The following ERICH6B variants were observed in gnomAD, a reference collection of about 807,000 sequenced individuals.
The protein encoded by ERICH6B is glutamate-rich protein 6B.
ERICH6B carries 69 observed loss-of-function variants against 80.0 expected under a neutral mutation model. The ratio of observed to expected loss-of-function variants is 0.86; its 90% CI spans 0.71 to 1.05. The LOEUF is 1.05. Among genes scored for constraint, ERICH6B ranks in the 50% least tolerant of loss-of-function variants. The probability of loss-of-function intolerance (pLI) is 0.00; values close to 1 mark genes in which losing one functional copy is unlikely to be tolerated. For synonymous variants in ERICH6B, 283 were observed against 291.9 expected (o/e 0.97, Z 0.31); for missense variants, 754 against 796.1 (o/e 0.95, Z 0.64).
intron 4 of ERICH6B, among the ~76,000 whole-genome samples, chr13:45,587,658 C>T (rs964492814): frequency 6.6e-6 from 1 of 152,178 alleles, no homozygotes; most frequent in Non-Finnish European, 1.5e-5. Context: ...TCTGTCCCTG[C>T]AATCGGCTCA....
intron 8 of ERICH6B, among the ~76,000 whole-genome samples, chr13:45,572,257 G>A (rs561276738): frequency 6.6e-6 from 1 of 152,282 alleles, no homozygotes; most frequent in African/African-American, 2.4e-5. Flanking sequence ...CATGGCAGCT[G>A]TGCTGGGCAC....
intron 3 of ERICH6B, among the ~76,000 whole-genome samples, chr13:45,592,838 A>G (rs1437511656): frequency 6.6e-6 from 1 of 152,168 alleles, no homozygotes; most frequent in East Asian, 1.9e-4. Context: ...ATACCTTACA[A>G]TTGTGTGGTA....
chr13:45,614,414 G>A (rs921390788), intron 1 of ERICH6B, among the ~76,000 whole-genome samples: 12 of 152,232 alleles, frequency 7.9e-5, no homozygotes, highest in African/African-American at 2.9e-4. Flanking sequence ...CAGGCACGTA[G>A]CAGGATTTCA....
chr13:45,590,820 T>C, intron 3 of ERICH6B, 123 bp from the exon 4 acceptor site: 3 of 749,218 alleles, frequency 4.0e-6, no homozygotes, highest in Non-Finnish European at 6.3e-6. Flanking sequence ...TTTACTTTTC[T>C]TTAGTATTGT....
At chr13:45,569,698 C>G (rs952073298) in intron 8 of ERICH6B, among the ~76,000 whole-genome samples, 2 of 152,178 alleles carry the variant, frequency 1.3e-5, no homozygotes, top group Non-Finnish European at 2.9e-5. Flanking sequence ...ACCAACATAT[C>G]CGAAGTTTCA....
chr13:45,599,240 G>A (rs1177819633), intron 2 of ERICH6B, among the ~76,000 whole-genome samples: 3 of 152,182 alleles, frequency 2.0e-5, no homozygotes, highest in Non-Finnish European at 4.4e-5. Context: ...GTGGCTGAGG[G>A]TAGGGAGTAA....
intron 3 of ERICH6B, among the ~76,000 whole-genome samples, chr13:45,593,945 T>A (rs1876259506): frequency 6.6e-6 from 1 of 152,166 alleles, no homozygotes; most frequent in Non-Finnish European, 1.5e-5. Flanking sequence ...GTTAAAAAAA[T>A]TTGTGTGCAC....
intron 1 of ERICH6B, among the ~76,000 whole-genome samples, chr13:45,614,250 C>T (rs1449490568): frequency 6.6e-6 from 1 of 152,132 alleles, no homozygotes; most frequent in East Asian, 1.9e-4. Flanking sequence ...CTCATTAAAA[C>T]CCAACCCAAA....
At position 45,541,497 on chromosome 13, in the gene ERICH6B, A is replaced by G. The variant is rs759227319; in HGVS notation, c.2056T>C (p.Tyr686His). 2.8e-5 allele frequency: 44 copies of G among 1,551,978 alleles called. No individual in the cohort carries two copies. The highest frequency in any genetic ancestry group is 3.6e-5 in the Non-Finnish European group (41 of 1,147,102). Residue 686 changes from tyrosine to histidine, a missense_variant, in exon 15 of 15, where the codon TAC (tyrosine) becomes CAC (histidine). Transcript: ENST00000298738. ...AVSISLMDNKYLKKMLSKLWF is the reference protein window; with the variant it reads ...AVSISLMDNKHLKKMLSKLWF ...AGTTTAGAGAGCATCTTCTTCAGGT[A>G]CTTGTTGTCCATCAGTGATATACTG... is the stretch of plus-strand genomic sequence containing the variant.
At chr13:45,612,215 TCTC>T (rs1566309785) in intron 1 of ERICH6B, among the ~76,000 whole-genome samples, 1 of 152,164 alleles carries the variant, frequency 6.6e-6, no homozygotes, top group East Asian at 1.9e-4. Context: ...GTCTCCCTCC[TCTC>T]CTTTTTCTCT....
chr13:45,580,491 T>C (rs935151713), intron 6 of ERICH6B, 112 bp downstream of exon 6: 7 of 1,098,478 alleles, frequency 6.4e-6, no homozygotes, highest in Non-Finnish European at 8.0e-6. Context: ...TGTTCTAAAA[T>C]GGCCAACAGC....
intron 1 of ERICH6B, among the ~76,000 whole-genome samples, 161 bp downstream of exon 1, chr13:45,615,524 A>C (rs937949441): frequency 6.6e-6 from 1 of 152,178 alleles, no homozygotes; most frequent in Admixed American, 6.5e-5. Flanking sequence ...AGAAACAAAG[A>C]AGTCTATGTA....
chr13:45,567,488 G>A (rs144528912), intron 9 of ERICH6B, among the ~76,000 whole-genome samples: 15 of 152,234 alleles, frequency 9.9e-5, no homozygotes, highest in South Asian at 2.1e-4. Context: ...TTCTGTTCTC[G>A]TAATAGTGAG....
intron 8 of ERICH6B, among the ~76,000 whole-genome samples, chr13:45,572,913 C>G (rs996114978): frequency 5.3e-5 from 8 of 151,662 alleles, no homozygotes; most frequent in African/African-American, 1.9e-4. Context: ...ATGCTATTTC[C>G]ACCCTATCAG....
chr13:45,546,375 A>C (rs940113570), intron 13 of ERICH6B, among the ~76,000 whole-genome samples: 1 of 152,138 alleles, frequency 6.6e-6, no homozygotes, highest in Admixed American at 6.5e-5. Context: ...TCGTCTGGAG[A>C]AGGAGGGCTT....
At chr13:45,590,005 C>A (rs1048728726) in intron 4 of ERICH6B, among the ~76,000 whole-genome samples, 2 of 152,158 alleles carry the variant, frequency 1.3e-5, no homozygotes, top group Non-Finnish European at 2.9e-5. Context: ...GATTTCATTC[C>A]TGCTTCTTGC....
chr13:45,568,503 G>T, intron 8 of ERICH6B, 52 bp from the exon 9 acceptor site: 1 of 1,425,136 alleles, frequency 7.0e-7, no homozygotes, highest in Non-Finnish European at 9.3e-7. Context: ...TTAATGATTT[G>T]TTAGTTAATC....
intron 1 of ERICH6B, among the ~76,000 whole-genome samples, chr13:45,614,826 T>C (rs1052349770): frequency 6.6e-6 from 1 of 152,264 alleles, no homozygotes; most frequent in African/African-American, 2.4e-5. Context: ...AGTCTGCTGC[T>C]CTCCCCCATG....
intron 3 of ERICH6B, among the ~76,000 whole-genome samples, chr13:45,593,955 C>T (rs1012069635): frequency 1.3e-5 from 2 of 152,150 alleles, no homozygotes; most frequent in African/African-American, 2.4e-5. Context: ...TTTGTGTGCA[C>T]CCATGTATAT....
Sources: gnomAD v4.1 joint callset for allele counts (sites outside exome capture counted in the v4.1 genomes callset) on GRCh38, gnomAD v4.1.1 for gene constraint, MANE v1.5 for transcripts, NCBI Gene and HGNC (gene_info 2026-07-23, HGNC 2026-07-21) for gene names.